Variants in RGPD4 observed in about 807,000 individuals in gnomAD.
RGPD4 encodes the protein ranBP2-like and GRIP domain-containing protein 4.
A neutral mutation model predicts 141.1 loss-of-function variants in RGPD4; 84 were observed. That is an observed-to-expected ratio of 0.60 (90% CI 0.50 to 0.71). The LOEUF (loss-of-function observed/expected upper bound fraction) is 0.71. Ranked by LOEUF, RGPD4 falls within the 30% of genes least tolerant of loss-of-function variation. The probability of loss-of-function intolerance (pLI) is 0.00; values close to 1 mark genes in which losing one functional copy is unlikely to be tolerated. For missense variants in RGPD4, 918 were observed against 1,622.4 expected (o/e 0.57, Z 7.46); for synonymous variants, 298 against 566.8 (o/e 0.53, Z 6.74).
At chr2:107,883,500 T>A (rs1359476556) in intron 22 of RGPD4, among the ~76,000 whole-genome samples, 1 of 150,574 alleles carries the variant, frequency 6.6e-6, no homozygotes, top group East Asian at 1.9e-4. Context: ...CGTGGTGGCA[T>A]GCGCCTGTAG....
At chr2:107,886,542 AT>A (rs1440368797) in intron 22 of RGPD4, among the ~76,000 whole-genome samples, 1 of 150,070 alleles carries the variant, frequency 6.7e-6, no homozygotes, top group East Asian at 2.0e-4. Flanking sequence ...AAAATTCTTA[AT>A]GATGTACTTC....
In RGPD4 at chr2:107,863,607, C is replaced by T. The variant is rs564412224; in HGVS notation, c.2469+575C>T. Among the ~76,000 whole-genome samples, 48 of 151,892 alleles carry T rather than the reference C, an allele frequency of 3.2e-4. 1 individual carries two copies. Among genetic ancestry groups the T allele is most frequent in the African/African-American group, 1.2e-3 (48 of 41,206 alleles). On this transcript the variant is annotated intron_variant, in intron 17 of 22. Transcript: ENST00000408999. ...TCCCAGGTTCAAGCAACTCTCCTGCCTCAGCCTCCCGAGTAGCTGGGATTA... is the reference window on the plus strand; with the variant it reads ...TCCCAGGTTCAAGCAACTCTCCTGCTTCAGCCTCCCGAGTAGCTGGGATTA...
chr2:107,884,134 G>A lies in RGPD4; in HGVS notation c.5266+1261G>A, dbSNP rs1027952740. On this transcript the variant is annotated intron_variant, in intron 22 of 22. Coordinates refer to ENST00000408999, the MANE Select transcript of RGPD4 (RefSeq NM_182588.3). ...TGTTGTGTTTTTGTTTGTTTGAGAT[G>A]TAGTGTTGCTCTGTCACCCTGGCTG... is the stretch of plus-strand genomic sequence containing the variant. Among the ~76,000 whole-genome samples, 14 of 151,664 alleles carry A rather than the reference G, an allele frequency of 9.2e-5. No homozygotes were observed. The East Asian group carries it at 9.7e-4, about 11-fold the overall frequency.
At chr2:107,844,074 A>T (rs1284468378) in intron 6 of RGPD4, among the ~76,000 whole-genome samples, 1 of 144,966 alleles carries the variant, frequency 6.9e-6, no homozygotes, top group Non-Finnish European at 1.6e-5. Context: ...TCTTGAGTGA[A>T]AATTAAGGTT....
intron 22 of RGPD4, among the ~76,000 whole-genome samples, chr2:107,884,012 G>C (rs2104519276): frequency 6.6e-6 from 1 of 151,992 alleles, no homozygotes; most frequent in South Asian, 2.1e-4. Flanking sequence ...CCTAGTTTAT[G>C]TTCATTTTGC....
chr2:107,854,726 G>T, intron 8 of RGPD4, 83 bp downstream of exon 8: 1 of 1,565,940 alleles, frequency 6.4e-7, no homozygotes, highest in East Asian at 2.4e-5. Flanking sequence ...ATCTCCATCT[G>T]TCCAGGAGAT....
Position 107,871,284 on chromosome 2 carries a change from G to T in RGPD4, c.3280G>T (p.Gly1094Cys). 6.2e-7 allele frequency: 1 copy of T among 1,607,094 alleles called. No homozygotes were observed. The highest frequency in any genetic ancestry group is 8.5e-7 in the Non-Finnish European group (1 of 1,179,250). Residue 1094 changes from glycine to cysteine, a missense_variant, in exon 20 of 23, where the codon GGC (glycine) becomes TGC (cysteine). Transcript: ENST00000408999. ...NLKILKNEVN[G>C]KPRMLMRREQ... ...AAAAATTCTCAAAAACGAGGTCAAT[G>T]GCAAACCAAGAATGCTGATGCGAAG... is the stretch of plus-strand genomic sequence containing the variant.
In RGPD4 at chr2:107,871,370, C is replaced by T. The variant is rs2556258; in HGVS notation, c.3366C>T (p.Pro1122=). 0.36 allele frequency: 375,227 copies of T among 1,048,558 alleles called. 131,688 individuals carry two copies. The highest frequency in any genetic ancestry group is 0.54 in the Middle Eastern group (1,687 of 3,104). 65.0% of individuals were successfully genotyped at this position (1,048,558 alleles called of 1,614,324 possible). Residue 1122 remains proline, a synonymous_variant, in exon 20 of 23, where the codon CCC becomes CCT. Transcript: ENST00000408999. The stretch of plus-strand genomic sequence containing the variant: ...TAACGACTACAATGAACCTGAAGCC[C>T]CTGTCTGGATCAGATAGAGCATGGA... The part of the protein sequence containing the change: ...HWITTTMNLK[P]LSGSDRAWMW...
At chr2:107,827,632 G>C (rs1419710121) in intron 1 of RGPD4, among the ~76,000 whole-genome samples, 56 of 46,560 alleles carry the variant, frequency 1.2e-3, no homozygotes, top group East Asian at 4.2e-3. Flanking sequence ...AGGCGTCATG[G>C]CTCCCGACGG....
rs1297263298 is a variant in RGPD4 at position 107,872,707 on chromosome 2, C to T, written c.4703C>T (p.Ser1568Phe). ...FAFGNSSATG[S>F]LFGFSFNASL... The stretch of plus-strand genomic sequence containing the variant: ...TTTGGCAACAGTTCTGCCACTGGGT[C>T]TTTGTTTGGATTTAGTTTTAATGCA... Residue 1568 changes from serine (S) to phenylalanine (F), a missense_variant, in exon 20 of 23, where the codon TCT becomes TTT. Physicochemically the swap from Ser to Phe is radical, Grantham distance 155. Coordinates refer to ENST00000408999, the MANE Select transcript of RGPD4 (RefSeq NM_182588.3). 1.9e-6 allele frequency: 3 copies of T among 1,611,424 alleles called. No homozygotes were observed. Among genetic ancestry groups the T allele is most frequent in the Non-Finnish European group, 2.5e-6 (3 of 1,179,832 alleles).
At position 107,857,309 on chromosome 2, in the gene RGPD4, T is replaced by A. The variant is rs535233225; in HGVS notation, c.1276+340T>A. Reference sequence around the variant, plus strand: ...CCACCACCATGCCCGGCTAATTTTTTTGTAGTTTTAGTAGAGACAGGGTTT... The same window carrying A: ...CCACCACCATGCCCGGCTAATTTTTATGTAGTTTTAGTAGAGACAGGGTTT... On this transcript the variant is annotated intron_variant, in intron 9 of 22. Transcript: ENST00000408999. 2.4e-3 allele frequency among the ~76,000 whole-genome samples: 365 copies of A among 151,658 alleles called. 10 individuals are homozygous for A. The highest frequency in any genetic ancestry group is 8.5e-3 in the African/African-American group (347 of 41,062).
At position 107,872,704 on chromosome 2, in the gene RGPD4, G is replaced by A. The variant is rs1263732303; in HGVS notation, c.4700G>A (p.Gly1567Glu). ...PFAFGNSSAT[G>E]SLFGFSFNAS... ...GCATTTGGCAACAGTTCTGCCACTG[G>A]GTCTTTGTTTGGATTTAGTTTTAAT... The change falls in exon 20 of 23, where the codon GGG (glycine) becomes GAG (glutamate). Residue 1567 changes from glycine (G) to glutamate (E), a missense_variant. Physicochemically the swap from Gly to Glu is moderately conservative, Grantham distance 98. Transcript: ENST00000408999. 1 of 1,611,198 alleles carries A rather than the reference G, an allele frequency of 6.2e-7. No homozygotes were observed. Among genetic ancestry groups the A allele is most frequent in the African/African-American group, 1.3e-5 (1 of 74,336 alleles).
intron 22 of RGPD4, among the ~76,000 whole-genome samples, chr2:107,888,801 C>T (rs832340): frequency 0.73 from 77,434 of 105,506 alleles, 29,615 homozygotes; most frequent in African/African-American, 0.85. Flanking sequence ...AGGAACTAAA[C>T]TCTTCCAACT....
chr2:107,876,346 C>T (rs1212591690), intron 20 of RGPD4, among the ~76,000 whole-genome samples: 1 of 150,522 alleles, frequency 6.6e-6, no homozygotes, highest in African/African-American at 2.5e-5. Flanking sequence ...GCCTCGGCCT[C>T]CCAAAGTGCT....
intron 7 of RGPD4, among the ~76,000 whole-genome samples, 198 bp from the exon 8 acceptor site, chr2:107,854,358 A>T (rs1256373170): frequency 6.6e-6 from 1 of 151,856 alleles, no homozygotes; most frequent in African/African-American, 2.4e-5. Context: ...GTGAGCCACC[A>T]CGCCTGTACC....
chr2:107,882,788 T>G lies in RGPD4; in HGVS notation c.5181T>G (p.Ser1727Arg). The change falls in exon 22 of 23, where the codon AGT becomes AGG. Residue 1727 changes from serine (S) to arginine (R), a missense_variant. Physicochemically the swap from Ser to Arg is moderately radical, Grantham distance 110 (BLOSUM62 -1). Coordinates refer to ENST00000408999, the MANE Select transcript of RGPD4 (RefSeq NM_182588.3). ...LLQFIFLKPG[S>R]ERERLLPVIN... Reference sequence around the variant, plus strand: ...AGTTCATTTTCTTGAAGCCAGGTAGTGAAAGAGAGAGACTTCTTCCTGTTA... The same window carrying G: ...AGTTCATTTTCTTGAAGCCAGGTAGGGAAAGAGAGAGACTTCTTCCTGTTA... 1 of 1,611,292 alleles carries G rather than the reference T, an allele frequency of 6.2e-7. No homozygotes were observed. The highest frequency in any genetic ancestry group is 1.1e-5 in the South Asian group (1 of 90,974).
rs754548609 is a variant in RGPD4 at position 107,827,073 on chromosome 2, G to C, written c.60G>C (p.Pro20=). The C allele has an allele frequency of 1.3e-6, 2 of 1,588,318 alleles. No homozygotes were observed. The highest frequency in any genetic ancestry group is 2.3e-5 in the East Asian group (1 of 43,988). The change falls in exon 1 of 23, where the codon CCG becomes CCC. Residue 20 remains proline (P), a synonymous_variant. Transcript: ENST00000408999. ...RYVASVQGSA[P]SPRKKSTRGF... ...TCGCCTCCGTGCAGGGCTCCGCCCC[G>C]TCGCCTCGAAAGGTGAGTGGATCTC...
chr2:107,887,425 T>G (rs1380657502), intron 22 of RGPD4, among the ~76,000 whole-genome samples: 1 of 152,162 alleles, frequency 6.6e-6, no homozygotes, highest in Non-Finnish European at 1.5e-5. Context: ...TATAAAATGT[T>G]TATGATGTTG....
intron 1 of RGPD4, among the ~76,000 whole-genome samples, chr2:107,829,665 G>A (rs868678939): frequency 1.1e-4 from 16 of 152,202 alleles, no homozygotes; most frequent in South Asian, 2.1e-4. Flanking sequence ...TGGCACTTGC[G>A]AGCGCAGGAA....
Sources: gnomAD v4.1 joint callset for allele counts (sites outside exome capture counted in the v4.1 genomes callset) on GRCh38, gnomAD v4.1.1 for gene constraint, MANE v1.5 for transcripts, NCBI Gene and HGNC (gene_info 2026-07-23, HGNC 2026-07-21) for gene names.